STON2: variants seen among roughly 807,000 people sequenced by gnomAD.
The protein encoded by STON2 is stonin 2.
STON2 carries 29 observed loss-of-function variants against 65.7 expected under a neutral mutation model. The observed-to-expected ratio is 0.44, with a 90% CI of 0.33 to 0.60. STON2 has a LOEUF of 0.60. Ranked by LOEUF, STON2 falls within the 20% of genes least tolerant of loss-of-function variation. The pLI is 0.03. For synonymous variants in STON2, 404 were observed against 414.2 expected, an observed-to-expected ratio of 0.98 and a Z score of 0.30; for missense variants, 1,054 against 1,118.1, an observed-to-expected ratio of 0.94 and a Z score of 0.82.
chr14:81,268,943 A>AT (rs1894464728), intron 7 of STON2, among the ~76,000 whole-genome samples: 3 of 152,304 alleles, frequency 2.0e-5, no homozygotes, highest in South Asian at 4.1e-4. Flanking sequence ...CAATCGACAA[A>AT]GATTTATCAA....
rs1269418807 is a variant in STON2, at chr14:81,413,780, G to C, written c.-199+13322C>G. On this transcript the variant is annotated intron_variant, in intron 2 of 8. Coordinates refer to the STON2 transcript ENST00000553821. ...CATTGCACTCCAGCCTGGGCAACAA[G>C]AGAAAGACTCCATCTCAAAAAATAA... Among the ~76,000 whole-genome samples the C allele has an allele frequency of 3.6e-5, 5 of 139,274 alleles. 1 individual carries two copies. Among genetic ancestry groups the C allele is most frequent in the African/African-American group, 8.9e-5 (3 of 33,764 alleles). The allele number at this position is 139,274 out of a possible 152,430, so 91.4% of individuals were successfully genotyped here.
Position 81,411,884 on chromosome 14 carries a change from T to TGAGGCCAGAG in STON2, c.-198-13305_-198-13304insCTCTGGCCTC, listed in dbSNP as rs1413992517. ...TAAGACAAGGAATAACAAGGAATCTTATACATAGAGTGACAGAAGATGTCT... is the reference window on the plus strand; with the variant it reads ...TAAGACAAGGAATAACAAGGAATCTTGAGGCCAGAGATACATAGAGTGACAGAAGATGTCT... On this transcript the variant is annotated intron_variant, in intron 2 of 8. Transcript: ENST00000553821. Among the ~76,000 whole-genome samples, 37 of 98,202 alleles carry TGAGGCCAGAG rather than the reference T, an allele frequency of 3.8e-4. 1 individual carries two copies. The highest frequency in any genetic ancestry group is 1.0e-3 in the African/African-American group (17 of 16,986). 64.4% of individuals were successfully genotyped at this position (98,202 alleles called of 152,430 possible). A position where few individuals can be genotyped will look rare whatever the true frequency, so the allele number is the denominator to read the frequency against.
intron 4 of STON2, among the ~76,000 whole-genome samples, chr14:81,334,427 T>C (rs1396004470): frequency 6.6e-6 from 1 of 152,174 alleles, no homozygotes; most frequent in East Asian, 1.9e-4. Context: ...CATCCAGCCT[T>C]GAATCATTAA....
Position 81,427,958 on chromosome 14 carries a change from C to G in STON2, c.-309-746G>C, listed in dbSNP as rs938378449. ...AGAGAGGTAGGTTTAAAGCCCAGCT[C>G]CATTACAACCTTTGACAAAGTACTT... On this transcript the variant is annotated intron_variant, in intron 1 of 8. Coordinates refer to the STON2 transcript ENST00000553821. 7.9e-5 allele frequency among the ~76,000 whole-genome samples: 12 copies of G among 152,274 alleles called. 1 individual carries two copies. The East Asian group carries it at 1.9e-3, about 25-fold the overall frequency.
intron 2 of STON2, among the ~76,000 whole-genome samples, chr14:81,425,832 G>GT (rs1165659228): frequency 6.6e-5 from 10 of 152,154 alleles, no homozygotes; most frequent in Non-Finnish European, 7.4e-5. Context: ...CAGAGAAAAC[G>GT]TAAGTCTCTG....
At chr14:81,358,701 T>C (rs1206727967) in intron 4 of STON2, among the ~76,000 whole-genome samples, 1 of 151,936 alleles carries the variant, frequency 6.6e-6, no homozygotes, top group African/African-American at 2.4e-5. Context: ...AAAAAGATAC[T>C]CCACACAAAT....
In STON2 at chr14:81,263,358, T is replaced by A. The variant is rs1021601415; in HGVS notation, c.*5056A>T. 6.6e-6 allele frequency among the ~76,000 whole-genome samples: 1 copy of A among 151,972 alleles called. No homozygotes were observed. Among genetic ancestry groups the A allele is most frequent in the African/African-American group, 2.4e-5 (1 of 41,396 alleles). On this transcript the variant is annotated 3_prime_UTR_variant, in exon 8 of 8. Coordinates refer to ENST00000614646, the MANE Select transcript of STON2 (RefSeq NM_001394390.1). ...GTTCAAGACCAGCTGGCCAACATAATGAAATCCCATCTCTACTAAAAATAC... is the reference window on the plus strand; with the variant it reads ...GTTCAAGACCAGCTGGCCAACATAAAGAAATCCCATCTCTACTAAAAATAC...
chr14:81,262,553 T>G lies in STON2; in HGVS notation c.*5861A>C. 1 of 985,442 alleles carries G rather than the reference T, an allele frequency of 1.0e-6. No homozygotes were observed. The highest frequency in any genetic ancestry group is 1.2e-6 in the Non-Finnish European group (1 of 829,902). 61.0% of individuals were successfully genotyped at this position (985,442 alleles called of 1,614,324 possible). A position where few individuals can be genotyped will look rare whatever the true frequency, so the allele number is the denominator to read the frequency against. On this transcript the variant is annotated 3_prime_UTR_variant, in exon 8 of 8. Transcript: ENST00000614646. Reference sequence around the variant, plus strand: ...ATTTGTCATCTCTCTAGATTTTACTTTTTCATATTGAAATTCTTTTTTTAG... The same window carrying G: ...ATTTGTCATCTCTCTAGATTTTACTGTTTCATATTGAAATTCTTTTTTTAG...
rs772285302 is a variant in STON2 at position 81,413,034 on chromosome 14, T to G, written c.-199+14068A>C. ...TCGGAAGAGACGCAGCAGAACTCGG[T>G]GGAGTGCGCTCCTCAGGCGCTGGAG... is the stretch of plus-strand genomic sequence containing the variant. On this transcript the variant is annotated intron_variant, in intron 2 of 8. Coordinates refer to the STON2 transcript ENST00000553821. 336 of 995,758 alleles carry G rather than the reference T, an allele frequency of 3.4e-4. 34 individuals carry two copies. The highest frequency in any genetic ancestry group is 1.1e-3 in the Middle Eastern group (4 of 3,546). 61.7% of individuals were successfully genotyped at this position (995,758 alleles called of 1,614,324 possible).
chr14:81,373,999 CTTTTTTTTT>C (rs57877137), intron 3 of STON2, among the ~76,000 whole-genome samples: 4 of 60,468 alleles, frequency 6.6e-5, no homozygotes, highest in South Asian at 1.8e-3. Context: ...ATAATAATGC[CTTTTTTTTT>C]TTTTTTTTTT....
intron 6 of STON2, among the ~76,000 whole-genome samples, chr14:81,274,767 C>G (rs1244103674): frequency 1.3e-5 from 2 of 151,918 alleles, no homozygotes; most frequent in Non-Finnish European, 2.9e-5. Context: ...GAAAACCTGT[C>G]TCTACTAAAA....
rs974436004 is a variant in STON2 at position 81,264,059 on chromosome 14, C to T, written c.*4355G>A. 1 of 985,326 alleles carries T rather than the reference C, an allele frequency of 1.0e-6. No homozygotes were observed. Among genetic ancestry groups the T allele is most frequent in the African/African-American group, 1.7e-5 (1 of 57,242 alleles). The allele number at this position is 985,326 out of a possible 1,614,324, so 61.0% of individuals were successfully genotyped here. ...GGTTGTGCACTCTATCAAATGCTTTCTTTTCCTACTGACCATTGAAATGGG... is the reference window on the plus strand; with the variant it reads ...GGTTGTGCACTCTATCAAATGCTTTTTTTTCCTACTGACCATTGAAATGGG... On this transcript the variant is annotated 3_prime_UTR_variant, in exon 8 of 8. Transcript: ENST00000614646.
At chr14:81,411,549 A>T (rs1377611957) in intron 2 of STON2, among the ~76,000 whole-genome samples, 4 of 152,184 alleles carry the variant, frequency 2.6e-5, no homozygotes, top group Admixed American at 2.6e-4. Context: ...TCTACTAAAA[A>T]TACAAAAATT....
intron 5 of STON2, among the ~76,000 whole-genome samples, chr14:81,283,540 T>TC (rs1158488167): frequency 6.6e-6 from 1 of 150,678 alleles, no homozygotes; most frequent in African/African-American, 2.4e-5. Flanking sequence ...ATTTTTTTTT[T>TC]TTTTTTTTGA....
rs1391401070 is a variant in STON2, at chr14:81,276,163, G to A, written c.2581+738C>T. ...ATTTTGTCATTTCACTAAATCTCAC[G>A]GGACCCACGGGGGAAGTAATTGCCT... On this transcript the variant is annotated intron_variant, in intron 6 of 7. Coordinates refer to ENST00000614646, the MANE Select transcript of STON2 (RefSeq NM_001394390.1). Among the ~76,000 whole-genome samples, 12 of 152,320 alleles carry A rather than the reference G, an allele frequency of 7.9e-5. No individual in the cohort carries two copies. The East Asian group carries it at 1.7e-3, about 22-fold the overall frequency.
chr14:81,320,574 T>G lies in STON2; in HGVS notation c.742+3443A>C, dbSNP rs1380488892. Reference sequence around the variant, plus strand: ...AAGTCCACACGTTAAAGCTACATCTTACATTCATTATTTCTACTCCTGCCT... The same window carrying G: ...AAGTCCACACGTTAAAGCTACATCTGACATTCATTATTTCTACTCCTGCCT... On this transcript the variant is annotated intron_variant, in intron 5 of 7. Transcript: ENST00000614646. 3.3e-5 allele frequency among the ~76,000 whole-genome samples: 5 copies of G among 150,628 alleles called. No individual in the cohort carries two copies. In the East Asian group the frequency reaches 9.9e-4, roughly 30 times the overall value.
chr14:81,366,039 T>G (rs1456551024), intron 4 of STON2, among the ~76,000 whole-genome samples: 1 of 152,056 alleles, frequency 6.6e-6, no homozygotes, highest in African/African-American at 2.4e-5. Context: ...GAGTGAAATG[T>G]TGTTTGGGAT....
rs1408933061 is a variant in STON2 at position 81,277,161 on chromosome 14, C to T, written c.2321G>A (p.Arg774His). ...LRMSTGFSAN[R>H]DPLTQVPCEN... ...ACAGGGAACCTGAGTGAGGGGGTCA[C>T]GATTGGCGGAGAAGCCAGTTGACAT... Residue 774 changes from arginine (R) to histidine (H), a missense_variant, in exon 6 of 8, where the codon CGT becomes CAT. Coordinates refer to ENST00000614646, the MANE Select transcript of STON2 (RefSeq NM_001394390.1). 6.2e-7 allele frequency: 1 copy of T among 1,614,226 alleles called. No homozygotes were observed. Among genetic ancestry groups the T allele is most frequent in the South Asian group, 1.1e-5 (1 of 91,086 alleles).
At chr14:81,333,638 A>G (rs1372741419) in intron 4 of STON2, among the ~76,000 whole-genome samples, 1 of 152,200 alleles carries the variant, frequency 6.6e-6, no homozygotes, top group Non-Finnish European at 1.5e-5. Flanking sequence ...CTCTCTAGAC[A>G]GCAAATCCTT....
Sources: allele counts gnomAD v4.1 joint callset (sites outside exome capture counted in the v4.1 genomes callset), GRCh38; gene constraint gnomAD v4.1.1; transcripts MANE v1.5; gene names NCBI Gene and HGNC (gene_info 2026-07-23, HGNC 2026-07-21).